NEDD9: variants seen among roughly 807,000 people sequenced by gnomAD.
NEDD9 encodes the protein enhancer of filamentation 1.
A neutral mutation model predicts 76.6 loss-of-function variants in NEDD9; 26 were observed. That is an observed-to-expected ratio of 0.34 (90% CI 0.25 to 0.47). The LOEUF is 0.47. Ranked by LOEUF, NEDD9 falls within the 20% of genes least tolerant of loss-of-function variation. NEDD9 has a pLI of 1.00. For synonymous variants in NEDD9, 392 were observed against 414.2 expected, an observed-to-expected ratio of 0.95 and a Z score of 0.65; for missense variants, 937 against 1,058.5, an observed-to-expected ratio of 0.89 and a Z score of 1.59.
chr6:11,340,810 C>A (rs60783216), intron 1 of NEDD9, among the ~76,000 whole-genome samples: 3,209 of 152,312 alleles, frequency 0.021, 120 homozygotes, highest in East Asian at 0.15. Context: ...TCTGTTAAAA[C>A]CTAAATCAGT....
At chr6:11,306,480 A>C (rs1266584040) in intron 2 of NEDD9, among the ~76,000 whole-genome samples, 1 of 152,190 alleles carries the variant, frequency 6.6e-6, no homozygotes, top group Non-Finnish European at 1.5e-5. Flanking sequence ...GGCACAAAGG[A>C]AGGTCAATCT....
chr6:11,376,114 G>T (rs868585247), intron 1 of NEDD9, among the ~76,000 whole-genome samples: 2 of 152,222 alleles, frequency 1.3e-5, no homozygotes, highest in Non-Finnish European at 2.9e-5. Flanking sequence ...GTGAGCCACC[G>T]TGCCCGGTCC....
intron 3 of NEDD9, among the ~76,000 whole-genome samples, chr6:11,297,077 G>A (rs1210234640): frequency 3.3e-5 from 5 of 151,074 alleles, no homozygotes; most frequent in African/African-American, 1.2e-4. Flanking sequence ...ATGCCTGGCT[G>A]CAGGCTTCCT....
At chr6:11,372,036 G>A (rs1018885534) in intron 1 of NEDD9, among the ~76,000 whole-genome samples, 2 of 151,816 alleles carry the variant, frequency 1.3e-5, no homozygotes, top group Non-Finnish European at 2.9e-5. Flanking sequence ...AATTATTTTC[G>A]ACTACGGTCA....
At chr6:11,374,634 G>C (rs995249933) in intron 1 of NEDD9, among the ~76,000 whole-genome samples, 1 of 152,106 alleles carries the variant, frequency 6.6e-6, no homozygotes, top group Non-Finnish European at 1.5e-5. Context: ...TATAGAAAAA[G>C]GTGAATATAA....
At chr6:11,307,358 C>T (rs2113425023) in intron 2 of NEDD9, among the ~76,000 whole-genome samples, 1 of 152,264 alleles carries the variant, frequency 6.6e-6, no homozygotes, top group East Asian at 1.9e-4. Flanking sequence ...AGGAATTTTC[C>T]TCTGAGGCAC....
At chr6:11,346,310 C>T (rs1174625005) in intron 1 of NEDD9, among the ~76,000 whole-genome samples, 3 of 152,148 alleles carry the variant, frequency 2.0e-5, no homozygotes, top group Admixed American at 2.0e-4. Flanking sequence ...AGTACATTCT[C>T]CCAGTCCTAC....
At chr6:11,199,696 T>C (rs1031853888) in intron 2 of NEDD9, 4 of 122,086 alleles carry the variant, frequency 3.3e-5, no homozygotes, top group Non-Finnish European at 6.4e-5. Context: ...AGTCTTACTC[T>C]GTCGCCCAGG....
chr6:11,246,095 C>T (rs2113298117), intron 3 of NEDD9, among the ~76,000 whole-genome samples: 1 of 152,228 alleles, frequency 6.6e-6, no homozygotes, highest in Non-Finnish European at 1.5e-5. Flanking sequence ...GTTTAAATAG[C>T]AGTCATACTG....
At chr6:11,247,017 C>A (rs1759824566) in intron 3 of NEDD9, among the ~76,000 whole-genome samples, 1 of 152,132 alleles carries the variant, frequency 6.6e-6, no homozygotes, top group Non-Finnish European at 1.5e-5. Context: ...CCCTGCCCAG[C>A]CAAACAAGAT....
chr6:11,270,998 A>G lies in NEDD9; in HGVS notation c.12+34994T>C, dbSNP rs6926762. Among the ~76,000 whole-genome samples the G allele has an allele frequency of 8.9e-3, 1,350 of 152,272 alleles. 7 individuals are homozygous for G. Among genetic ancestry groups the G allele is most frequent in the Middle Eastern group, 0.017 (5 of 294 alleles). On this transcript the variant is annotated intron_variant, in intron 3 of 3. Coordinates refer to the NEDD9 transcript ENST00000397378. ...AGGCAAAGAGGAACCGCAGTCAAGT[A>G]TCACTCTTTTTTGGCCCATTCTTCA...
chr6:11,210,910 G>T (rs1758771088), intron 2 of NEDD9, among the ~76,000 whole-genome samples: 1 of 152,204 alleles, frequency 6.6e-6, no homozygotes, highest in Admixed American at 6.5e-5. Context: ...CCAGGATCAG[G>T]ATACTGTGGA....
rs1759632840 is a variant in NEDD9, at chr6:11,237,694, A to G, written c.13-23967T>C. ...GATGTCTTTTGAGCTGTAATGGCAG[A>G]CTCTGAGCACATGCCACAGAGATGG... is the stretch of plus-strand genomic sequence containing the variant. On this transcript the variant is annotated intron_variant, in intron 3 of 3. Coordinates refer to the NEDD9 transcript ENST00000397378. This position sits in a 1 kb window ranked among gnomAD's most constrained non-coding sequence, Gnocchi z 4.9. 1.3e-5 allele frequency among the ~76,000 whole-genome samples: 2 copies of G among 152,188 alleles called. No homozygotes were observed. The highest frequency in any genetic ancestry group is 4.8e-5 in the African/African-American group (2 of 41,426).
intron 1 of NEDD9, among the ~76,000 whole-genome samples, chr6:11,380,154 G>A (rs1271259600): frequency 6.6e-6 from 1 of 152,212 alleles, no homozygotes; most frequent in Non-Finnish European, 1.5e-5. Flanking sequence ...AAAACTCAGA[G>A]TCTAAGGTCA....
chr6:11,203,321 A>G (rs1758512342), intron 2 of NEDD9, among the ~76,000 whole-genome samples: 1 of 152,242 alleles, frequency 6.6e-6, no homozygotes, highest in African/African-American at 2.4e-5. Flanking sequence ...TGATGTCCAA[A>G]TAAATTCAAC....
intron 2 of NEDD9, among the ~76,000 whole-genome samples, chr6:11,204,507 G>A (rs1758544105): frequency 6.6e-6 from 1 of 152,024 alleles, no homozygotes; most frequent in Non-Finnish European, 1.5e-5. Flanking sequence ...AGATCACGAG[G>A]TCAGGAGTTT....
intron 2 of NEDD9, among the ~76,000 whole-genome samples, chr6:11,204,795 C>G (rs141307617): frequency 6.6e-6 from 1 of 151,242 alleles, no homozygotes; most frequent in Non-Finnish European, 1.5e-5. Flanking sequence ...CAGAGAAAGC[C>G]AACATAGCAA....
chr6:11,212,464 T>A (rs1271603567), intron 2 of NEDD9, among the ~76,000 whole-genome samples: 1 of 152,254 alleles, frequency 6.6e-6, no homozygotes, highest in Non-Finnish European at 1.5e-5. Context: ...TTTGTTTATC[T>A]TTAATTAATC....
intron 1 of NEDD9, among the ~76,000 whole-genome samples, chr6:11,356,017 G>A (rs6928526): frequency 0.36 from 55,282 of 151,806 alleles, 10,547 homozygotes; most frequent in Middle Eastern, 0.46. Flanking sequence ...CACCATGCCC[G>A]GCCGAGAGCT....
Sources: allele counts gnomAD v4.1 joint callset (sites outside exome capture counted in the v4.1 genomes callset), GRCh38; gene constraint gnomAD v4.1.1; non-coding constraint Gnocchi (gnomAD v3.1); transcripts MANE v1.5; gene names NCBI Gene and HGNC (gene_info 2026-07-23, HGNC 2026-07-21).